CACNA2D3: variants seen among roughly 807,000 people sequenced by gnomAD.
The protein encoded by CACNA2D3 is voltage-dependent calcium channel subunit alpha-2/delta-3.
Under a neutral mutation model 160.6 loss-of-function variants are expected in CACNA2D3, and 60 were observed. The ratio of observed to expected loss-of-function variants is 0.37; its 90% CI spans 0.30 to 0.46. The LOEUF is 0.46. CACNA2D3 is among the 20% of genes least tolerant of loss of function. CACNA2D3 has a pLI of 1.00. For missense variants in CACNA2D3, 1,205 were observed against 1,365.0 expected (o/e 0.88, Z 1.85); for synonymous variants, 558 against 492.9 (o/e 1.13, Z -1.75).
intron 27 of CACNA2D3, among the ~76,000 whole-genome samples, chr3:54,959,339 G>A (rs1439603301): frequency 6.6e-6 from 1 of 152,186 alleles, no homozygotes; most frequent in Non-Finnish European, 1.5e-5. Flanking sequence ...GGAGCTGGGT[G>A]TGCTTGGGCA....
intron 2 of CACNA2D3, among the ~76,000 whole-genome samples, chr3:54,278,387 G>C (rs1412523050): frequency 1.3e-5 from 2 of 152,178 alleles, no homozygotes; most frequent in Non-Finnish European, 2.9e-5. Flanking sequence ...TTACACTGTT[G>C]GTGGGAGTGT....
chr3:54,796,248 AG>A (rs1702863678), intron 13 of CACNA2D3, among the ~76,000 whole-genome samples: 1 of 152,200 alleles, frequency 6.6e-6, no homozygotes. Flanking sequence ...ATCAAAAAAC[AG>A]GCTTTGGAGT....
At chr3:54,776,457 G>A (rs1210299154) in intron 13 of CACNA2D3, among the ~76,000 whole-genome samples, 1 of 152,162 alleles carries the variant, frequency 6.6e-6, no homozygotes, top group Non-Finnish European at 1.5e-5. Flanking sequence ...CAAGGCTGCA[G>A]TGAGCCATGA....
chr3:54,778,668 C>T (rs942786382), intron 13 of CACNA2D3, among the ~76,000 whole-genome samples: 1 of 152,152 alleles, frequency 6.6e-6, no homozygotes, highest in Non-Finnish European at 1.5e-5. Context: ...GGTTAACTGT[C>T]GCATCCTCAA....
intron 35 of CACNA2D3, among the ~76,000 whole-genome samples, chr3:55,070,273 C>G (rs1420518694): frequency 6.6e-6 from 1 of 152,106 alleles, no homozygotes; most frequent in African/African-American, 2.4e-5. Flanking sequence ...ATGAGGACTA[C>G]AGCCTTGTTG....
At chr3:54,859,469 C>T (rs921124968) in intron 17 of CACNA2D3, among the ~76,000 whole-genome samples, 1 of 152,144 alleles carries the variant, frequency 6.6e-6, no homozygotes, top group Non-Finnish European at 1.5e-5. Context: ...AATTTTGAGG[C>T]AAAGAAGGAG....
intron 2 of CACNA2D3, among the ~76,000 whole-genome samples, chr3:54,276,427 G>C (rs1702740039): frequency 6.6e-6 from 1 of 152,048 alleles, no homozygotes. Flanking sequence ...ACAAAAATTA[G>C]CCAGGCGTGG....
intron 21 of CACNA2D3, among the ~76,000 whole-genome samples, chr3:54,882,067 G>C (rs1403906137): frequency 6.6e-6 from 1 of 152,170 alleles, no homozygotes; most frequent in Non-Finnish European, 1.5e-5. Flanking sequence ...CTAACCATGT[G>C]GTCTCTCTTC....
At chr3:54,778,444 C>G (rs1382089066) in intron 13 of CACNA2D3, among the ~76,000 whole-genome samples, 4 of 152,096 alleles carry the variant, frequency 2.6e-5, no homozygotes, top group African/African-American at 9.7e-5. Flanking sequence ...CTTCCTCCCA[C>G]TCCATTCAGA....
intron 27 of CACNA2D3, among the ~76,000 whole-genome samples, chr3:54,909,561 C>T (rs1444869577): frequency 6.6e-6 from 1 of 151,936 alleles, no homozygotes; most frequent in Non-Finnish European, 1.5e-5. Flanking sequence ...GTCCAACCTG[C>T]AGCCCATGGG....
intron 35 of CACNA2D3, among the ~76,000 whole-genome samples, chr3:55,054,342 T>C (rs1240438490): frequency 6.6e-6 from 1 of 151,906 alleles, no homozygotes; most frequent in Non-Finnish European, 1.5e-5. Context: ...ACCTTGTTTT[T>C]CTCTTTGTTC....
chr3:54,320,014 A>G (rs1352064727), intron 2 of CACNA2D3, among the ~76,000 whole-genome samples: 1 of 152,184 alleles, frequency 6.6e-6, no homozygotes, highest in Non-Finnish European at 1.5e-5. Context: ...TGAGGACTTC[A>G]TGGACCCTGA....
chr3:54,228,176 A>G (rs1701708295), intron 2 of CACNA2D3, among the ~76,000 whole-genome samples: 1 of 152,186 alleles, frequency 6.6e-6, no homozygotes, highest in South Asian at 2.1e-4. Context: ...GCTTCCAGAG[A>G]CTTGGTCTAT....
At chr3:54,545,636 C>T (rs1178938536) in intron 5 of CACNA2D3, among the ~76,000 whole-genome samples, 1 of 152,082 alleles carries the variant, frequency 6.6e-6, no homozygotes, top group Non-Finnish European at 1.5e-5. Flanking sequence ...TTTAGAATGC[C>T]AACAAATTTC....
At chr3:54,865,987 A>G (rs920113377) in intron 17 of CACNA2D3, among the ~76,000 whole-genome samples, 2 of 152,214 alleles carry the variant, frequency 1.3e-5, no homozygotes, top group Non-Finnish European at 2.9e-5. Flanking sequence ...AGAACTGATT[A>G]GAATCAGAGT....
chr3:54,298,971 A>AG (rs1703407636), intron 2 of CACNA2D3, among the ~76,000 whole-genome samples: 1 of 78,364 alleles, frequency 1.3e-5, no homozygotes, highest in Non-Finnish European at 2.9e-5. Flanking sequence ...AAAAAAAAAA[A>AG]AAGAAGAAGA....
intron 2 of CACNA2D3, among the ~76,000 whole-genome samples, chr3:54,162,299 G>T (rs368553818): frequency 6.6e-6 from 1 of 152,182 alleles, no homozygotes; most frequent in African/African-American, 2.4e-5. Context: ...GCCTGTGTCT[G>T]CTGGGACCTC....
At chr3:54,650,138 A>T (rs1442201429) in intron 11 of CACNA2D3, among the ~76,000 whole-genome samples, 4 of 151,750 alleles carry the variant, frequency 2.6e-5, no homozygotes, top group African/African-American at 4.8e-5. Context: ...TCAGTGAGCT[A>T]ATTTTTTTTT....
chr3:54,806,243 G>C (rs1300777300), intron 13 of CACNA2D3, among the ~76,000 whole-genome samples: 1 of 152,128 alleles, frequency 6.6e-6, no homozygotes, highest in Non-Finnish European at 1.5e-5. Context: ...TATTCAATTA[G>C]GAAAAGAGGA....
Sources: gnomAD v4.1 joint callset for allele counts (sites outside exome capture counted in the v4.1 genomes callset) on GRCh38, gnomAD v4.1.1 for gene constraint, MANE v1.5 for transcripts, NCBI Gene and HGNC (gene_info 2026-07-23, HGNC 2026-07-21) for gene names.